The following ELOVL7 variants were observed in gnomAD, a reference collection of about 807,000 sequenced individuals.
ELOVL7 encodes the protein ELOVL fatty acid elongase 7, also known as very long chain fatty acid elongase 7.
Under a neutral mutation model 35.7 loss-of-function variants are expected in ELOVL7, and 27 were observed. That is an observed-to-expected ratio of 0.76 (90% CI 0.56 to 1.04). ELOVL7 has a LOEUF of 1.04. Among genes scored for constraint, ELOVL7 ranks in the 50% least tolerant of loss-of-function variants. The probability of loss-of-function intolerance (pLI) is 0.00; values close to 1 mark genes in which losing one functional copy is unlikely to be tolerated. For missense variants in ELOVL7, 327 were observed against 340.8 expected, an observed-to-expected ratio of 0.96 and a Z score of 0.32; for synonymous variants, 113 against 114.6, an observed-to-expected ratio of 0.99 and a Z score of 0.09.
intron 1 of ELOVL7, among the ~76,000 whole-genome samples, chr5:60,823,654 T>C (rs765347011): frequency 1.9e-4 from 29 of 152,162 alleles, no homozygotes; most frequent in Non-Finnish European, 3.1e-4. Context: ...TTTTAGAGAT[T>C]AGTGAAAGAA....
At position 60,757,838 on chromosome 5, in the gene ELOVL7, G is replaced by A. The variant is rs556536936; in HGVS notation, c.500-193C>T. On this transcript the variant is annotated intron_variant, in intron 7 of 8. Coordinates refer to ENST00000508821, the MANE Select transcript of ELOVL7 (RefSeq NM_024930.3). ...TTAGTAAAATATAAGATATGAACCT[G>A]AGAAAGTAAATTAGCGTATCTTTAT... Among the ~76,000 whole-genome samples the A allele has an allele frequency of 1.1e-4, 17 of 152,220 alleles. No homozygotes were observed. The East Asian group carries it at 2.3e-3, about 21-fold the overall frequency.
intron 1 of ELOVL7, among the ~76,000 whole-genome samples, chr5:60,803,343 C>T (rs1431791234): frequency 6.6e-6 from 1 of 152,188 alleles, no homozygotes; most frequent in African/African-American, 2.4e-5. Flanking sequence ...TGGCTGTAGC[C>T]ATGACACAGA....
intron 3 of ELOVL7, among the ~76,000 whole-genome samples, chr5:60,776,636 A>C (rs1342904585): frequency 6.6e-6 from 1 of 152,222 alleles, no homozygotes; most frequent in Non-Finnish European, 1.5e-5. Context: ...ACCAAATGCT[A>C]CATGTTCTCA....
At chr5:60,835,133 C>T (rs777209852) in intron 1 of ELOVL7, among the ~76,000 whole-genome samples, 7 of 147,236 alleles carry the variant, frequency 4.8e-5, no homozygotes, top group South Asian at 2.1e-4. Flanking sequence ...GAGGTTGCAG[C>T]GAGCTGAGAG....
At chr5:60,777,221 T>C (rs1396826747) in intron 3 of ELOVL7, among the ~76,000 whole-genome samples, 1 of 152,086 alleles carries the variant, frequency 6.6e-6, no homozygotes, top group Admixed American at 6.6e-5. Flanking sequence ...TTTAAATGTA[T>C]GTTTTAAAAT....
At chr5:60,792,706 T>A (rs1281296764) in intron 2 of ELOVL7, among the ~76,000 whole-genome samples, 1 of 152,204 alleles carries the variant, frequency 6.6e-6, no homozygotes, top group Non-Finnish European at 1.5e-5. Flanking sequence ...GGGAGCAATT[T>A]ACTCCATGTG....
intron 3 of ELOVL7, among the ~76,000 whole-genome samples, chr5:60,775,614 T>C (rs1233275106): frequency 6.6e-6 from 1 of 152,074 alleles, no homozygotes. Flanking sequence ...CAGCATGGTA[T>C]TGATATAAAA....
chr5:60,769,784 T>A (rs1269963083), intron 4 of ELOVL7, among the ~76,000 whole-genome samples: 1 of 152,168 alleles, frequency 6.6e-6, no homozygotes, highest in Non-Finnish European at 1.5e-5. Context: ...GCCCAGTGGG[T>A]CACACCTGTA....
At chr5:60,793,628 T>C (rs1211431080) in intron 2 of ELOVL7, among the ~76,000 whole-genome samples, 2 of 152,128 alleles carry the variant, frequency 1.3e-5, no homozygotes, top group Non-Finnish European at 2.9e-5. Flanking sequence ...GTGGACCTCC[T>C]ACAAAGTGAG....
At chr5:60,773,335 T>C (rs1439679724) in intron 3 of ELOVL7, among the ~76,000 whole-genome samples, 3 of 152,180 alleles carry the variant, frequency 2.0e-5, no homozygotes, top group African/African-American at 7.2e-5. Flanking sequence ...TAGCTCTTGC[T>C]CTTTTAAGCT....
chr5:60,762,401 C>T (rs1741982092), intron 7 of ELOVL7, among the ~76,000 whole-genome samples: 1 of 150,912 alleles, frequency 6.6e-6, no homozygotes, highest in South Asian at 2.1e-4. Flanking sequence ...TATCAATGAA[C>T]TCAAACATAG....
At chr5:60,828,309 T>C (rs1746291985) in intron 1 of ELOVL7, among the ~76,000 whole-genome samples, 1 of 152,198 alleles carries the variant, frequency 6.6e-6, no homozygotes, top group Non-Finnish European at 1.5e-5. Flanking sequence ...GAATAAATTA[T>C]GCAGAGACAT....
chr5:60,778,617 T>C (rs1743052741), intron 3 of ELOVL7, among the ~76,000 whole-genome samples: 1 of 152,132 alleles, frequency 6.6e-6, no homozygotes, highest in Non-Finnish European at 1.5e-5. Flanking sequence ...ATGATTCACT[T>C]ATCTCCCACT....
chr5:60,767,163 C>T (rs1475253450), intron 5 of ELOVL7, among the ~76,000 whole-genome samples: 5 of 152,108 alleles, frequency 3.3e-5, no homozygotes, highest in Non-Finnish European at 5.9e-5. Context: ...GGTGCAATCT[C>T]GGTTCACTGC....
chr5:60,773,830 T>C (rs1463243729), intron 3 of ELOVL7, among the ~76,000 whole-genome samples: 1 of 152,274 alleles, frequency 6.6e-6, no homozygotes, highest in Non-Finnish European at 1.5e-5. Context: ...ACTGGAATGC[T>C]GGGTTAAACA....
chr5:60,834,337 G>A (rs1047565348), intron 1 of ELOVL7, among the ~76,000 whole-genome samples: 3 of 152,076 alleles, frequency 2.0e-5, no homozygotes, highest in African/African-American at 7.2e-5. Context: ...AGTAGAGACG[G>A]GGTTTCACCG....
At position 60,789,284 on chromosome 5, in the gene ELOVL7, A is replaced by C. The variant is rs189570939; in HGVS notation, c.-34-1853T>G. Among the ~76,000 whole-genome samples the C allele has an allele frequency of 1.3e-4, 20 of 152,372 alleles. No individual in the cohort carries two copies. In the East Asian group the frequency reaches 3.9e-3, roughly 29 times the overall value. ...TATGACAAGTTTCTAAAATTGATAA[A>C]AGACCTTAAGTCAATAGGAAATGGG... On this transcript the variant is annotated intron_variant, in intron 2 of 8. Transcript: ENST00000508821.
intron 4 of ELOVL7, chr5:60,768,785 T>C (rs1311331328): frequency 7.1e-6 from 3 of 422,368 alleles, no homozygotes; most frequent in African/African-American, 5.1e-5. Flanking sequence ...TCAGTTCTTC[T>C]CATACATGCC....
chr5:60,793,036 G>A, intron 2 of ELOVL7, among the ~76,000 whole-genome samples: 1 of 152,210 alleles, frequency 6.6e-6, no homozygotes, highest in East Asian at 1.9e-4. Flanking sequence ...GAGAGCTGGA[G>A]CAGGGAGTTG....
Sources: allele counts gnomAD v4.1 joint callset (sites outside exome capture counted in the v4.1 genomes callset), GRCh38; gene constraint gnomAD v4.1.1; transcripts MANE v1.5; gene names NCBI Gene and HGNC (gene_info 2026-07-23, HGNC 2026-07-21).